Variants in OSBPL1A observed in about 807,000 individuals in gnomAD.
The protein encoded by OSBPL1A is oxysterol binding protein like 1A.
A neutral mutation model predicts 137.1 loss-of-function variants in OSBPL1A; 80 were observed. That is an observed-to-expected ratio of 0.58 (90% CI 0.49 to 0.70). The LOEUF is 0.70. OSBPL1A is among the 30% of genes least tolerant of loss of function. The probability of loss-of-function intolerance (pLI) is 0.00; values close to 1 mark genes in which losing one functional copy is unlikely to be tolerated. For missense variants in OSBPL1A, 970 were observed against 1,129.4 expected, an observed-to-expected ratio of 0.86 and a Z score of 2.02; for synonymous variants, 365 against 389.7, an observed-to-expected ratio of 0.94 and a Z score of 0.75.
intron 13 of OSBPL1A, among the ~76,000 whole-genome samples, chr18:24,304,675 C>A (rs1004873016): frequency 6.6e-6 from 1 of 152,112 alleles, no homozygotes; most frequent in Non-Finnish European, 1.5e-5. Context: ...ACATTTTGCA[C>A]CCCCAAAATC....
chr18:24,215,625 C>G (rs2087675620), intron 17 of OSBPL1A, among the ~76,000 whole-genome samples: 1 of 152,124 alleles, frequency 6.6e-6, no homozygotes, highest in Non-Finnish European at 1.5e-5. Context: ...CTCCGTGTCC[C>G]CTGAGGCGAT....
At chr18:24,276,621 T>G (rs2089850916) in intron 15 of OSBPL1A, among the ~76,000 whole-genome samples, 1 of 152,128 alleles carries the variant, frequency 6.6e-6, no homozygotes, top group East Asian at 1.9e-4. Context: ...TTTTTTGTAT[T>G]TTTAGTAGAA....
chr18:24,263,851 G>A (rs1322712340), intron 15 of OSBPL1A, among the ~76,000 whole-genome samples: 3 of 152,052 alleles, frequency 2.0e-5, no homozygotes, highest in East Asian at 3.9e-4. Flanking sequence ...TGGCCAGGCT[G>A]GTCTCGAACT....
At chr18:24,182,598 G>T (rs568874864) in intron 18 of OSBPL1A, among the ~76,000 whole-genome samples, 2 of 152,160 alleles carry the variant, frequency 1.3e-5, no homozygotes, top group East Asian at 3.9e-4. Context: ...AAACTGGAGC[G>T]CAATCAAAGA....
At chr18:24,384,320 T>A (rs1316214002) in intron 1 of OSBPL1A, among the ~76,000 whole-genome samples, 3 of 152,222 alleles carry the variant, frequency 2.0e-5, no homozygotes, top group Non-Finnish European at 4.4e-5. Flanking sequence ...ACACCTGTAA[T>A]CCCGGCACTT....
intron 15 of OSBPL1A, among the ~76,000 whole-genome samples, chr18:24,269,160 G>T (rs968731696): frequency 1.3e-5 from 2 of 152,206 alleles, no homozygotes; most frequent in African/African-American, 2.4e-5. Context: ...CCTGCACCTG[G>T]TCGTCCTGTT....
At chr18:24,260,308 T>A (rs113202070) in intron 15 of OSBPL1A, among the ~76,000 whole-genome samples, 2 of 152,162 alleles carry the variant, frequency 1.3e-5, no homozygotes, top group African/African-American at 4.8e-5. Flanking sequence ...GGAATCCTAC[T>A]TTTAGGTATA....
intron 15 of OSBPL1A, among the ~76,000 whole-genome samples, chr18:24,250,832 T>C (rs556170838): frequency 4.3e-4 from 65 of 152,326 alleles, no homozygotes; most frequent in African/African-American, 1.5e-3. Flanking sequence ...CCTAGGCTCA[T>C]GGACAACAAT....
chr18:24,365,467 C>T (rs935968115), intron 4 of OSBPL1A, among the ~76,000 whole-genome samples: 3 of 151,922 alleles, frequency 2.0e-5, no homozygotes, highest in African/African-American at 7.3e-5. Context: ...GCCTGTAATC[C>T]CAGCTACTTG....
intron 17 of OSBPL1A, among the ~76,000 whole-genome samples, chr18:24,201,087 G>A (rs551503939): frequency 1.1e-4 from 17 of 150,770 alleles, no homozygotes; most frequent in African/African-American, 4.1e-4. Context: ...TTATCTGAGG[G>A]TCATTATCTT....
chr18:24,368,195 T>C, intron 3 of OSBPL1A, 92 bp downstream of exon 3: 2 of 863,350 alleles, frequency 2.3e-6, no homozygotes, highest in South Asian at 3.5e-5. Flanking sequence ...TAAGTCATTA[T>C]GGCTCAGGTG....
intron 4 of OSBPL1A, among the ~76,000 whole-genome samples, chr18:24,356,122 G>A (rs2091530785): frequency 6.6e-6 from 1 of 152,108 alleles, no homozygotes; most frequent in Non-Finnish European, 1.5e-5. Context: ...GTTGCAGTGA[G>A]CTGAGATCGC....
At chr18:24,367,644 A>AT (rs1410524336) in intron 3 of OSBPL1A, 3 of 100,106 alleles carry the variant, frequency 3.0e-5, no homozygotes, top group African/African-American at 1.1e-4. Flanking sequence ...CCTTGTCTTG[A>AT]TTAAAAAAAA....
chr18:24,166,613 C>A lies in OSBPL1A; in HGVS notation c.2625G>T (p.Arg875=). 1 of 1,613,116 alleles carries A rather than the reference C, an allele frequency of 6.2e-7. No individual in the cohort carries two copies. Among genetic ancestry groups the A allele is most frequent in the Non-Finnish European group, 8.5e-7 (1 of 1,179,712 alleles). ...CATTTTCCATGGCTCTGATGTCAGG[C>A]CGTAACCTGCAGTCTGTCTTGGGAA... ...SVIPKTDCRL[R]PDIRAMENGE... The change falls in exon 26 of 28, where the codon CGG becomes CGT. Residue 875 remains arginine, a synonymous_variant. Coordinates refer to ENST00000319481, the MANE Select transcript of OSBPL1A (RefSeq NM_080597.4).
At chr18:24,245,327 A>C (rs1303433385) in intron 15 of OSBPL1A, among the ~76,000 whole-genome samples, 1 of 152,026 alleles carries the variant, frequency 6.6e-6, no homozygotes, top group Non-Finnish European at 1.5e-5. Flanking sequence ...CCTAGCCTCA[A>C]GTGATCCTCC....
At chr18:24,198,577 G>A (rs969388255) in intron 17 of OSBPL1A, among the ~76,000 whole-genome samples, 4 of 152,082 alleles carry the variant, frequency 2.6e-5, no homozygotes, top group Non-Finnish European at 5.9e-5. Context: ...GACACGCAGA[G>A]CCAAGAGCCT....
chr18:24,253,565 A>T (rs2146031387), intron 15 of OSBPL1A, among the ~76,000 whole-genome samples: 1 of 152,312 alleles, frequency 6.6e-6, no homozygotes, highest in African/African-American at 2.4e-5. Flanking sequence ...TTATTACTCA[A>T]ATCAGTCTCT....
intron 15 of OSBPL1A, among the ~76,000 whole-genome samples, chr18:24,250,178 G>GTTTTTTT (rs1408310982): frequency 1.3e-5 from 1 of 79,570 alleles, no homozygotes; most frequent in African/African-American, 4.6e-5. Flanking sequence ...TTGTTTGTTT[G>GTTTTTTT]TTTGTTTGTT....
intron 15 of OSBPL1A, among the ~76,000 whole-genome samples, 186 bp from the exon 16 acceptor site, chr18:24,239,568 C>A (rs148111257): frequency 6.6e-6 from 1 of 152,090 alleles, no homozygotes; most frequent in African/African-American, 2.4e-5. Flanking sequence ...TCCCATGGGG[C>A]CTTTTCTGGC....
Sources: allele counts gnomAD v4.1 joint callset (sites outside exome capture counted in the v4.1 genomes callset), GRCh38; gene constraint gnomAD v4.1.1; transcripts MANE v1.5; gene names NCBI Gene and HGNC (gene_info 2026-07-23, HGNC 2026-07-21).